Variants in KIF1B observed in about 807,000 individuals in gnomAD.
KIF1B encodes the protein kinesin-like protein KIF1B.
A neutral mutation model predicts 241.9 loss-of-function variants in KIF1B; 76 were observed. The ratio of observed to expected loss-of-function variants is 0.31; its 90% CI spans 0.26 to 0.38. The LOEUF (loss-of-function observed/expected upper bound fraction) is 0.38. Ranked by LOEUF, KIF1B falls within the 10% of genes least tolerant of loss-of-function variation. The pLI is 1.00. For synonymous variants in KIF1B, 750 were observed against 796.7 expected, an observed-to-expected ratio of 0.94 and a Z score of 0.99; for missense variants, 1,622 against 2,271.4, an observed-to-expected ratio of 0.71 and a Z score of 5.81.
chr1:10,343,837 ACT>A (rs899762316), intron 34 of KIF1B, among the ~76,000 whole-genome samples: 28 of 151,910 alleles, frequency 1.8e-4, no homozygotes, highest in African/African-American at 6.8e-4. Flanking sequence ...TTATCTACAA[ACT>A]CTCTGGTCTT....
intron 1 of KIF1B, among the ~76,000 whole-genome samples, chr1:10,223,609 C>T (rs1646873786): frequency 7.0e-6 from 1 of 143,278 alleles, no homozygotes; most frequent in Non-Finnish European, 1.5e-5. Context: ...TGCAGTGGTG[C>T]GATCTTGGCT....
At chr1:10,367,099 A>T (rs897733573) in intron 43 of KIF1B, among the ~76,000 whole-genome samples, 1 of 151,798 alleles carries the variant, frequency 6.6e-6, no homozygotes, top group East Asian at 2.0e-4. Context: ...GCTTTTTAAA[A>T]TTTTATTTTT....
chr1:10,325,545 G>A (rs1033925477), intron 26 of KIF1B, among the ~76,000 whole-genome samples: 3 of 152,172 alleles, frequency 2.0e-5, no homozygotes. Context: ...AAGAGGCTGG[G>A]TAAAAAGGAG....
intron 5 of KIF1B, among the ~76,000 whole-genome samples, chr1:10,265,947 A>G (rs1648435393): frequency 6.6e-6 from 1 of 152,204 alleles, no homozygotes; most frequent in Admixed American, 6.5e-5. Flanking sequence ...CATTCCAGAT[A>G]CTCTGAAAAC....
chr1:10,252,718 A>G (rs944462580), intron 2 of KIF1B, among the ~76,000 whole-genome samples: 2 of 135,832 alleles, frequency 1.5e-5, no homozygotes, highest in African/African-American at 2.7e-5. Flanking sequence ...GGTCATAAAG[A>G]CAGTTTTTTT....
At chr1:10,333,249 AACCCAGCCT>A (rs920542853) in intron 27 of KIF1B, among the ~76,000 whole-genome samples, 29 of 146,502 alleles carry the variant, frequency 2.0e-4, no homozygotes, top group Non-Finnish European at 3.1e-4. Flanking sequence ...AACAGGGAGA[AACCCAGCCT>A]ACTCAGGAGG....
At chr1:10,284,665 G>C (rs144231173) in intron 15 of KIF1B, among the ~76,000 whole-genome samples, 2,845 of 151,950 alleles carry the variant, frequency 0.019, 38 homozygotes, top group Non-Finnish European at 0.028. Context: ...AGTCTGGGCG[G>C]CAGAGTGAGA....
chr1:10,216,723 C>T (rs570469918), intron 1 of KIF1B, among the ~76,000 whole-genome samples: 2 of 152,194 alleles, frequency 1.3e-5, no homozygotes, highest in East Asian at 1.9e-4. Flanking sequence ...CCTGTCACTG[C>T]CCCATGCTTG....
intron 7 of KIF1B, among the ~76,000 whole-genome samples, chr1:10,268,864 C>CT (rs1474173733): frequency 2.0e-5 from 3 of 152,142 alleles, no homozygotes; most frequent in African/African-American, 7.2e-5. Flanking sequence ...GGGCAAACTA[C>CT]TTAACCTCTT....
At position 10,258,496 on chromosome 1, in the gene KIF1B, G is replaced by A. The variant is rs1025709021; in HGVS notation, c.187G>A (p.Glu63Lys). ...TTTCTCCTTTTACTCTTTACAGCCC[G>A]AAGATCCCTGTTTTGCATCTCAAAA... is the stretch of plus-strand genomic sequence containing the variant. The part of the protein sequence containing the change: ...DYSYWSHTSP[E>K]DPCFASQNRV... The change falls in exon 4 of 49, where the codon GAA becomes AAA. Residue 63 changes from glutamate to lysine, a missense_variant. Physicochemically the swap from Glu to Lys is moderately conservative, Grantham distance 56. Coordinates refer to ENST00000676179, the MANE Select transcript of KIF1B (RefSeq NM_001365951.3). The A allele has an allele frequency of 9.3e-6, 15 of 1,613,728 alleles. No homozygotes were observed. Among genetic ancestry groups the A allele is most frequent in the East Asian group, 2.2e-5 (1 of 44,876 alleles).
At chr1:10,357,898 A>G (rs1638298014) in intron 38 of KIF1B, among the ~76,000 whole-genome samples, 1 of 151,466 alleles carries the variant, frequency 6.6e-6, no homozygotes, top group African/African-American at 2.4e-5. Flanking sequence ...AATCCCAGCT[A>G]CTTGGGAGGC....
chr1:10,307,725 C>T (rs1420353058), intron 22 of KIF1B: 1 of 1,028,850 alleles, frequency 9.7e-7, no homozygotes, highest in Non-Finnish European at 1.2e-6. Context: ...ATTATTATAG[C>T]AAAGTGGGAA....
intron 32 of KIF1B, 99 bp downstream of exon 32, chr1:10,339,958 G>C (rs1410124495): frequency 2.3e-5 from 23 of 982,588 alleles, no homozygotes; most frequent in Non-Finnish European, 3.7e-5. Flanking sequence ...GTCACTGGCT[G>C]TGCAGGGGGA....
intron 2 of KIF1B, among the ~76,000 whole-genome samples, chr1:10,250,824 T>C (rs1452048294): frequency 6.6e-6 from 1 of 150,742 alleles, no homozygotes; most frequent in African/African-American, 2.4e-5. Flanking sequence ...TGACGCTGTC[T>C]GGGGAAAACA....
At chr1:10,244,812 C>CCT (rs1647186104) in intron 2 of KIF1B, among the ~76,000 whole-genome samples, 1 of 151,506 alleles carries the variant, frequency 6.6e-6, no homozygotes, top group Non-Finnish European at 1.5e-5. Flanking sequence ...CGGGGTTTCA[C>CCT]TGTTTTAGCC....
chr1:10,282,560 A>G (rs761352102), intron 15 of KIF1B, 27 bp downstream of exon 15: 8 of 1,562,884 alleles, frequency 5.1e-6, no homozygotes, highest in African/African-American at 1.4e-5. Flanking sequence ...ACTGAATACA[A>G]GGTATTCTAT....
chr1:10,271,353 G>C, intron 7 of KIF1B, 149 bp from the exon 8 acceptor site: 1 of 721,178 alleles, frequency 1.4e-6, no homozygotes, highest in South Asian at 1.4e-5. Flanking sequence ...GATAGATGTT[G>C]TCTTGATCTT....
chr1:10,344,172 C>G (rs937405281), intron 34 of KIF1B, among the ~76,000 whole-genome samples: 1 of 152,190 alleles, frequency 6.6e-6, no homozygotes, highest in African/African-American at 2.4e-5. Flanking sequence ...TTTCTGAGCA[C>G]GCCAGTGTGC....
At position 10,303,069 on chromosome 1, in the gene KIF1B, C is replaced by CT; in HGVS notation, c.2115+5829dup. On this transcript the variant is annotated intron_variant, in intron 22 of 48. Coordinates refer to ENST00000676179, the MANE Select transcript of KIF1B (RefSeq NM_001365951.3). The surrounding 1 kb of genome is among the most constrained non-coding windows in gnomAD (Gnocchi z 5.2). ...GTCTTATTTTTAAATTTGGTTAAGGCTTTTTTGCTTGCTTTTTCTTCGATT... is the reference window on the plus strand; with the variant it reads ...GTCTTATTTTTAAATTTGGTTAAGGCTTTTTTTGCTTGCTTTTTCTTCGATT... 1 of 1,447,848 alleles carries CT rather than the reference C, an allele frequency of 6.9e-7. No homozygotes were observed. The highest frequency in any genetic ancestry group is 9.3e-7 in the Non-Finnish European group (1 of 1,077,214). The allele number at this position is 1,447,848 out of a possible 1,614,324, so 89.7% of individuals were successfully genotyped here. A position where few individuals can be genotyped will look rare whatever the true frequency, so the allele number is the denominator to read the frequency against.
Sources: allele counts gnomAD v4.1 joint callset (sites outside exome capture counted in the v4.1 genomes callset), GRCh38; gene constraint gnomAD v4.1.1; non-coding constraint Gnocchi (gnomAD v3.1); transcripts MANE v1.5; gene names NCBI Gene and HGNC (gene_info 2026-07-23, HGNC 2026-07-21).